The following AKAP13 variants were observed in gnomAD, a reference collection of about 807,000 sequenced individuals.
AKAP13 encodes the protein A-kinase anchor protein 13.
Under a neutral mutation model 264.5 loss-of-function variants are expected in AKAP13, and 80 were observed. The ratio of observed to expected loss-of-function variants is 0.30; its 90% CI spans 0.25 to 0.36. The LOEUF (loss-of-function observed/expected upper bound fraction) is 0.36, where lower values mean the gene tolerates loss of function less well. AKAP13 is among the 10% of genes least tolerant of loss of function. The pLI, the probability that AKAP13 is intolerant of heterozygous loss-of-function variation, is 1.00. For synonymous variants in AKAP13, 1,380 were observed against 1,250.2 expected, an observed-to-expected ratio of 1.10 and a Z score of -2.19; for missense variants, 3,712 against 3,435.2, an observed-to-expected ratio of 1.08 and a Z score of -2.01.
intron 5 of AKAP13, among the ~76,000 whole-genome samples, chr15:85,563,908 C>G (rs772220794): frequency 6.6e-6 from 1 of 152,200 alleles, no homozygotes; most frequent in Non-Finnish European, 1.5e-5. Context: ...GGTTAAGTAT[C>G]TAGCTCAAGT....
intron 8 of AKAP13, among the ~76,000 whole-genome samples, chr15:85,612,820 T>A (rs2080713388): frequency 9.7e-6 from 1 of 102,634 alleles, no homozygotes; most frequent in Non-Finnish European, 2.1e-5. Context: ...TGAGACCCTG[T>A]CTCACAAAAA....
intron 4 of AKAP13, among the ~76,000 whole-genome samples, chr15:85,542,671 A>C (rs540243483): frequency 6.6e-6 from 1 of 152,176 alleles, no homozygotes; most frequent in Non-Finnish European, 1.5e-5. Flanking sequence ...TTGTGGGGCT[A>C]TATGTGGCAT....
chr15:85,613,008 A>G (rs908251888), intron 8 of AKAP13, among the ~76,000 whole-genome samples: 3 of 152,310 alleles, frequency 2.0e-5, no homozygotes, highest in Admixed American at 2.0e-4. Flanking sequence ...TTGTACTATT[A>G]TGAAGTAGCT....
intron 8 of AKAP13, among the ~76,000 whole-genome samples, chr15:85,613,168 A>T (rs1011682439): frequency 2.0e-5 from 3 of 152,220 alleles, no homozygotes; most frequent in African/African-American, 7.2e-5. Flanking sequence ...TTAAATAGAC[A>T]ACATAAATGG....
intron 14 of AKAP13, among the ~76,000 whole-genome samples, chr15:85,679,250 C>A (rs1019378632): frequency 9.8e-6 from 1 of 102,024 alleles, no homozygotes; most frequent in Admixed American, 1.1e-4. Flanking sequence ...AAAAAAAAAA[C>A]AACAACAAAA....
intron 1 of AKAP13, among the ~76,000 whole-genome samples, chr15:85,447,373 A>T (rs180826883): frequency 0.057 from 8,598 of 152,052 alleles, 533 homozygotes; most frequent in African/African-American, 0.16. Flanking sequence ...TCCTTTTTTA[A>T]AAAAAAATTT....
chr15:85,633,340 C>T (rs192334645), intron 8 of AKAP13, among the ~76,000 whole-genome samples: 1 of 149,592 alleles, frequency 6.7e-6, no homozygotes, highest in African/African-American at 2.5e-5. Context: ...ATTCATGCAG[C>T]CTCTTCTTAT....
At chr15:85,716,470 C>T (rs2086953257) in intron 20 of AKAP13, among the ~76,000 whole-genome samples, 1 of 152,158 alleles carries the variant, frequency 6.6e-6, no homozygotes, top group Non-Finnish European at 1.5e-5. Flanking sequence ...CCTTGGCTGT[C>T]AAGTGGTTAG....
chr15:85,425,820 T>G (rs1350412309), intron 1 of AKAP13, among the ~76,000 whole-genome samples: 1 of 152,008 alleles, frequency 6.6e-6, no homozygotes, highest in African/African-American at 2.4e-5. Context: ...TGTTGTTAAT[T>G]GTGGGGTAGA....
At chr15:85,460,298 T>G (rs1323962447) in intron 1 of AKAP13, among the ~76,000 whole-genome samples, 1 of 152,222 alleles carries the variant, frequency 6.6e-6, no homozygotes, top group Non-Finnish European at 1.5e-5. Flanking sequence ...TGCATATGCA[T>G]TTGTACAGGC....
At chr15:85,511,218 G>A (rs185254486) in intron 2 of AKAP13, among the ~76,000 whole-genome samples, 135 of 151,894 alleles carry the variant, frequency 8.9e-4, no homozygotes, top group African/African-American at 2.9e-3. Context: ...TCCTCTTCTC[G>A]GACTGGCCCT....
intron 1 of AKAP13, among the ~76,000 whole-genome samples, chr15:85,450,054 T>C (rs1353292807): frequency 6.6e-6 from 1 of 152,006 alleles, no homozygotes; most frequent in African/African-American, 2.4e-5. Context: ...TCCTAGGCCT[T>C]TTTTGGTTGG....
At chr15:85,535,532 A>G (rs531009597) in intron 4 of AKAP13, 5 of 152,364 alleles carry the variant, frequency 3.3e-5, no homozygotes, top group Admixed American at 6.5e-5. Flanking sequence ...CATGCCTTAT[A>G]TAAACCTGGT....
intron 5 of AKAP13, among the ~76,000 whole-genome samples, chr15:85,556,543 G>A (rs72758662): frequency 0.16 from 23,699 of 152,104 alleles, 2,506 homozygotes; most frequent in East Asian, 0.57. Flanking sequence ...CCTCCCCCTA[G>A]TGTTTTCTCA....
intron 1 of AKAP13, among the ~76,000 whole-genome samples, chr15:85,425,256 G>A (rs2072718268): frequency 6.6e-6 from 1 of 152,038 alleles, no homozygotes; most frequent in Admixed American, 6.5e-5. Context: ...CCTGTATTCA[G>A]GTTTATTATT....
rs543020381 is a variant in AKAP13, at chr15:85,465,577, C to T, written c.-11-20133C>T. On this transcript the variant is annotated intron_variant, in intron 1 of 36. Coordinates refer to ENST00000394518, the MANE Select transcript of AKAP13 (RefSeq NM_007200.5). Reference sequence around the variant, plus strand: ...CCATGTGTTCTCATTGTTCAGTTCCCACCTATGAGTGAGAACATGCGGTGT... The same window carrying T: ...CCATGTGTTCTCATTGTTCAGTTCCTACCTATGAGTGAGAACATGCGGTGT... Among the ~76,000 whole-genome samples, 34 of 146,820 alleles carry T rather than the reference C, an allele frequency of 2.3e-4. 2 individuals are homozygous for T. In the South Asian group the frequency reaches 6.6e-3, roughly 29 times the overall value.
intron 5 of AKAP13, among the ~76,000 whole-genome samples, chr15:85,550,441 G>A (rs74979375): frequency 0.022 from 3,354 of 152,308 alleles, 58 homozygotes; most frequent in Middle Eastern, 0.051. Context: ...GTTTGTGCCT[G>A]TAAGCTCTCA....
At chr15:85,402,661 C>G (rs1241712982) in intron 1 of AKAP13, among the ~76,000 whole-genome samples, 2 of 152,146 alleles carry the variant, frequency 1.3e-5, no homozygotes, top group East Asian at 1.9e-4. Context: ...TTTATGCTAG[C>G]TGCCATTTTT....
chr15:85,746,487 CT>C lies in AKAP13; in HGVS notation c.*1813del, dbSNP rs1011027588. 1 of 151,528 alleles carries C rather than the reference CT, an allele frequency of 6.6e-6. No homozygotes were observed. Among genetic ancestry groups the C allele is most frequent in the Non-Finnish European group, 1.5e-5 (1 of 67,928 alleles). The allele number at this position is 151,528 out of a possible 1,614,324, so 9.4% of individuals were successfully genotyped here. ...CTTCCCTCCCCCACCCCGCCTCATT[CT>C]TTAATCAAAGGATGTCTTCTCCCTT... On this transcript the variant is annotated 3_prime_UTR_variant, in exon 37 of 37. Transcript: ENST00000394518.
Sources: gnomAD v4.1 joint callset for allele counts (sites outside exome capture counted in the v4.1 genomes callset) on GRCh38, gnomAD v4.1.1 for gene constraint, MANE v1.5 for transcripts, NCBI Gene and HGNC (gene_info 2026-07-23, HGNC 2026-07-21) for gene names.